Variants in GRID2 observed in about 807,000 individuals in gnomAD.
The protein encoded by GRID2 is glutamate ionotropic receptor delta type subunit 2.
In GRID2, 33 loss-of-function variants were observed where a neutral mutation model predicts 114.8. The ratio of observed to expected loss-of-function variants is 0.29; its 90% CI spans 0.22 to 0.38. GRID2 has a LOEUF of 0.38. Among genes scored for constraint, GRID2 ranks in the 10% least tolerant of loss-of-function variants. The probability of loss-of-function intolerance (pLI) is 1.00; values close to 1 mark genes in which losing one functional copy is unlikely to be tolerated. For missense variants in GRID2, 1,184 were observed against 1,257.7 expected, an observed-to-expected ratio of 0.94 and a Z score of 0.89; for synonymous variants, 505 against 449.9, an observed-to-expected ratio of 1.12 and a Z score of -1.55.
At chr4:92,440,764 TG>T (rs1371277908) in intron 1 of GRID2, among the ~76,000 whole-genome samples, 4 of 151,750 alleles carry the variant, frequency 2.6e-5, no homozygotes, top group Non-Finnish European at 5.9e-5. Context: ...GAAGGAAATT[TG>T]GGGAAATGGG....
At chr4:92,433,540 A>G (rs115795203) in intron 1 of GRID2, among the ~76,000 whole-genome samples, 2 of 152,154 alleles carry the variant, frequency 1.3e-5, no homozygotes, top group Non-Finnish European at 2.9e-5. Context: ...ACTGAGTTCC[A>G]ATGCCAAGTC....
chr4:92,711,278 A>G (rs2149309657), intron 2 of GRID2, among the ~76,000 whole-genome samples: 1 of 152,328 alleles, frequency 6.6e-6, no homozygotes, highest in South Asian at 2.1e-4. Flanking sequence ...AGACCTACTT[A>G]TTAGTTGAAT....
At chr4:93,374,596 AT>A (rs34465024) in intron 8 of GRID2, among the ~76,000 whole-genome samples, 28,768 of 152,026 alleles carry the variant, frequency 0.19, 5,214 homozygotes, top group African/African-American at 0.48. Flanking sequence ...AATTTTAACA[AT>A]TTAAGTCAGT....
intron 9 of GRID2, among the ~76,000 whole-genome samples, chr4:93,398,874 C>A (rs1220499005): frequency 6.6e-6 from 1 of 151,240 alleles, no homozygotes; most frequent in Middle Eastern, 3.4e-3. Context: ...ATTTTGCATG[C>A]TTCCTATGTC....
intron 2 of GRID2, among the ~76,000 whole-genome samples, chr4:92,903,658 T>C (rs1233431295): frequency 6.6e-6 from 1 of 151,988 alleles, no homozygotes; most frequent in Non-Finnish European, 1.5e-5. Context: ...TAATTTATTA[T>C]AAATGTTTCT....
chr4:92,800,148 AATTT>A (rs1454642626), intron 2 of GRID2, among the ~76,000 whole-genome samples: 2 of 150,712 alleles, frequency 1.3e-5, no homozygotes, highest in Non-Finnish European at 3.0e-5. Context: ...AATAATCAGC[AATTT>A]ATTTAACGTG....
chr4:93,752,554 TAG>T (rs1363924605), intron 14 of GRID2, among the ~76,000 whole-genome samples: 1 of 152,040 alleles, frequency 6.6e-6, no homozygotes, highest in Non-Finnish European at 1.5e-5. Context: ...GTACGTTTAG[TAG>T]AGACAGGGTT....
At chr4:93,291,202 T>C (rs1753726232) in intron 8 of GRID2, among the ~76,000 whole-genome samples, 1 of 152,208 alleles carries the variant, frequency 6.6e-6, no homozygotes, top group East Asian at 1.9e-4. Context: ...AAATATTTTA[T>C]ATATATGTAG....
intron 4 of GRID2, among the ~76,000 whole-genome samples, chr4:93,198,085 T>C (rs190528123): frequency 7.3e-4 from 111 of 152,284 alleles, no homozygotes; most frequent in African/African-American, 2.5e-3. Context: ...TATGGTTCTC[T>C]TATTTCCGCA....
At chr4:92,652,147 G>A (rs1731965292) in intron 2 of GRID2, among the ~76,000 whole-genome samples, 1 of 152,026 alleles carries the variant, frequency 6.6e-6, no homozygotes, top group African/African-American at 2.4e-5. Context: ...ATTATGGGCA[G>A]AACAAGATGG....
At chr4:92,551,254 C>CTGTGTGTG (rs34809917) in intron 1 of GRID2, among the ~76,000 whole-genome samples, 6,732 of 146,938 alleles carry the variant, frequency 0.046, 174 homozygotes, top group Middle Eastern at 0.1. Flanking sequence ...ACATCTACAC[C>CTGTGTGTG]TGTGTGTGTG....
At chr4:93,744,666 A>AT (rs1201344323) in intron 14 of GRID2, among the ~76,000 whole-genome samples, 11 of 152,212 alleles carry the variant, frequency 7.2e-5, no homozygotes, top group African/African-American at 2.7e-4. Flanking sequence ...ATAACAAAGG[A>AT]TTTTGAATAT....
intron 1 of GRID2, among the ~76,000 whole-genome samples, chr4:92,446,181 A>C (rs1560636016): frequency 6.6e-6 from 1 of 152,140 alleles, no homozygotes; most frequent in Non-Finnish European, 1.5e-5. Flanking sequence ...TCCTGACCTC[A>C]AGTGATCAGG....
intron 2 of GRID2, among the ~76,000 whole-genome samples, chr4:92,706,460 T>C (rs72663536): frequency 0.16 from 24,892 of 150,980 alleles, 2,216 homozygotes; most frequent in East Asian, 0.33. Flanking sequence ...CATATGGATA[T>C]CCATATCCAA....
chr4:93,239,420 CTG>C lies in GRID2; in HGVS notation c.1245+932_1245+933del, dbSNP rs559078039. ...ATAATTGTGTACGCAGAGCTGGTAA[CTG>C]TAAATTTCTAACTGTCTAAAGTTGA... On this transcript the variant is annotated intron_variant, in intron 8 of 15. Coordinates refer to ENST00000282020, the MANE Select transcript of GRID2 (RefSeq NM_001510.4). Among the ~76,000 whole-genome samples, 100 of 150,670 alleles carry C rather than the reference CTG, an allele frequency of 6.6e-4. 1 individual carries two copies. The highest frequency in any genetic ancestry group is 2.2e-3 in the African/African-American group (89 of 41,200).
chr4:92,948,993 G>C (rs953146119), intron 2 of GRID2, among the ~76,000 whole-genome samples: 1 of 151,336 alleles, frequency 6.6e-6, no homozygotes, highest in African/African-American at 2.4e-5. Context: ...AGTGTGTGTG[G>C]GCTCGTGTGG....
intron 2 of GRID2, among the ~76,000 whole-genome samples, chr4:92,939,491 A>AC (rs1447470828): frequency 6.8e-6 from 1 of 147,130 alleles, no homozygotes; most frequent in Non-Finnish European, 1.5e-5. Flanking sequence ...GTAGATTGCA[A>AC]AAATTTTCTC....
At chr4:93,747,571 T>A (rs1280082447) in intron 14 of GRID2, among the ~76,000 whole-genome samples, 1 of 152,182 alleles carries the variant, frequency 6.6e-6, no homozygotes, top group Non-Finnish European at 1.5e-5. Context: ...GGGGACACTT[T>A]GTGAAAAGTC....
At chr4:93,195,548 G>A (rs1579256073) in intron 4 of GRID2, among the ~76,000 whole-genome samples, 1 of 152,122 alleles carries the variant, frequency 6.6e-6, no homozygotes. Flanking sequence ...GCTGGACAAC[G>A]TCATCAGGCA....
Sources: allele counts gnomAD v4.1 joint callset (sites outside exome capture counted in the v4.1 genomes callset), GRCh38; gene constraint gnomAD v4.1.1; transcripts MANE v1.5; gene names NCBI Gene and HGNC (gene_info 2026-07-23, HGNC 2026-07-21).